Variants in SEPSECS observed in about 807,000 individuals in gnomAD.
The protein encoded by SEPSECS is Sep (O-phosphoserine) tRNA:Sec (selenocysteine) tRNA synthase.
A neutral mutation model predicts 52.1 loss-of-function variants in SEPSECS; 42 were observed. The ratio of observed to expected loss-of-function variants is 0.81; its 90% CI spans 0.63 to 1.04. The LOEUF is 1.04. Ranked by LOEUF, SEPSECS falls within the 50% of genes least tolerant of loss-of-function variation. The pLI, the probability that SEPSECS is intolerant of heterozygous loss-of-function variation, is 0.00. For synonymous variants in SEPSECS, 216 were observed against 211.4 expected (o/e 1.02, Z -0.19); for missense variants, 590 against 610.6 (o/e 0.97, Z 0.36).
intron 8 of SEPSECS, 45 bp from the exon 9 acceptor site, chr4:25,127,402 T>C: frequency 7.1e-7 from 1 of 1,407,054 alleles, no homozygotes. Flanking sequence ...AAATATCTAC[T>C]GCCAGATTTA....
Position 25,125,700 on chromosome 4 carries a change from C to G in SEPSECS, c.1205G>C (p.Gly402Ala), listed in dbSNP as rs746155941. ...CTATCTTAAACATACTTACCTGGCT[C>G]CAGAAACCTGTCTGGTAAAAAGCAT... Reference protein sequence around the residue: ...GSMLFTRQVSGARVVPLGSMQ... With the variant: ...GSMLFTRQVSAARVVPLGSMQ... The change falls in exon 10 of 11, where the codon GGA becomes GCA. Residue 402 changes from glycine to alanine, a missense_variant. Physicochemically the swap from Gly to Ala is moderately conservative, Grantham distance 60. Transcript: ENST00000382103. 1 of 1,609,058 alleles carries G rather than the reference C, an allele frequency of 6.2e-7. No homozygotes were observed. The highest frequency in any genetic ancestry group is 1.3e-5 in the African/African-American group (1 of 74,810).
chr4:25,142,364 T>G (rs1711623268), intron 8 of SEPSECS, among the ~76,000 whole-genome samples: 1 of 152,096 alleles, frequency 6.6e-6, no homozygotes, highest in Non-Finnish European at 1.5e-5. Context: ...CATCCCAAAT[T>G]CTCCTTATTC....
At chr4:25,156,662 C>T (rs762802810) in intron 3 of SEPSECS, among the ~76,000 whole-genome samples, 194 bp downstream of exon 3, 89 of 132,870 alleles carry the variant, frequency 6.7e-4, no homozygotes, top group Non-Finnish European at 1.2e-3. Context: ...GAGCCGAGAT[C>T]GCGCCACTGC....
At position 25,145,148 on chromosome 4, in the gene SEPSECS, A is replaced by G. The variant is rs1416874635; in HGVS notation, c.805-15T>C. 1 of 1,612,880 alleles carries G rather than the reference A, an allele frequency of 6.2e-7. No homozygotes were observed. Among genetic ancestry groups the G allele is most frequent in the East Asian group, 2.2e-5 (1 of 44,794 alleles). On this transcript the variant is annotated splice_polypyrimidine_tract_variant and intron_variant, in intron 6 of 10. Coordinates refer to ENST00000382103, the MANE Select transcript of SEPSECS (RefSeq NM_016955.4). ...ACTCGAGCCCCCTGGAATCAATATG[A>G]TATTACATATTAGTTGCTAGGAAAA... is the stretch of plus-strand genomic sequence containing the variant.
At chr4:25,144,016 C>T (rs1326847924) in intron 8 of SEPSECS, among the ~76,000 whole-genome samples, 1 of 151,962 alleles carries the variant, frequency 6.6e-6, no homozygotes, top group African/African-American at 2.4e-5. Flanking sequence ...TTTTCATAAC[C>T]AATATAACCA....
chr4:25,145,122 A>G lies in SEPSECS; in HGVS notation c.816T>C (p.Val272=). The G allele has an allele frequency of 4.3e-6, 7 of 1,613,932 alleles. No homozygotes were observed. Among genetic ancestry groups the G allele is most frequent in the Non-Finnish European group, 5.1e-6 (6 of 1,179,912 alleles). Residue 272 remains valine, a synonymous_variant, in exon 7 of 11, where the codon GTT becomes GTC. Transcript: ENST00000382103. The stretch of plus-strand genomic sequence containing the variant: ...TCTGAACAAAAGCATCTATTCTACC[A>G]ACTCGAGCCCCCTGGAATCAATATG... ...CMHLIQQGAR[V]GRIDAFVQSL...
intron 8 of SEPSECS, 38 bp from the exon 9 acceptor site, chr4:25,127,395 T>C: frequency 7.0e-7 from 1 of 1,434,030 alleles, no homozygotes. Flanking sequence ...ACAAATCAAA[T>C]ATCTACTGCC....
At chr4:25,146,321 G>A (rs961736538) in intron 6 of SEPSECS, among the ~76,000 whole-genome samples, 1 of 152,192 alleles carries the variant, frequency 6.6e-6, no homozygotes, top group Admixed American at 6.5e-5. Flanking sequence ...AGCCGAAGCA[G>A]GGAAGAGGAG....
chr4:25,145,124 C>T lies in SEPSECS; in HGVS notation c.814G>A (p.Val272Ile). The T allele has an allele frequency of 6.2e-7, 1 of 1,613,894 alleles. No individual in the cohort carries two copies. Among genetic ancestry groups the T allele is most frequent in the African/African-American group, 1.3e-5 (1 of 75,028 alleles). Reference protein sequence around the residue: ...CMHLIQQGARVGRIDAFVQSL... With the variant: ...CMHLIQQGARIGRIDAFVQSL... ...TGAACAAAAGCATCTATTCTACCAA[C>T]TCGAGCCCCCTGGAATCAATATGAT... is the stretch of plus-strand genomic sequence containing the variant. The change falls in exon 7 of 11, where the codon GTT becomes ATT. Residue 272 changes from valine (V) to isoleucine (I), a missense_variant. Transcript: ENST00000382103.
At position 25,160,299 on chromosome 4, in the gene SEPSECS, G is replaced by A. The variant is rs1481785686; in HGVS notation, c.71C>T (p.Ala24Val). The change falls in exon 1 of 11, where the codon GCC becomes GTC. Residue 24 changes from alanine (A) to valine (V), a missense_variant. Transcript: ENST00000382103. ...TATGAGGTGCTCATGCGAGCGGCGG[G>A]CCTCACAGCCCTGCCGCACGTAAGC... is the stretch of plus-strand genomic sequence containing the variant. ...SPAYVRQGCE[A>V]RRSHEHLIRL... is the part of the protein sequence containing the mutation. 3 of 1,551,178 alleles carry A rather than the reference G, an allele frequency of 1.9e-6. No individual in the cohort carries two copies. In the South Asian group the frequency reaches 3.6e-5, roughly 18 times the overall value.
chr4:25,142,288 G>C (rs1421491633), intron 8 of SEPSECS, among the ~76,000 whole-genome samples: 1 of 151,122 alleles, frequency 6.6e-6, no homozygotes, highest in Non-Finnish European at 1.5e-5. Flanking sequence ...AAAAAAAAAA[G>C]TCACCATCTC....
At position 25,127,291 on chromosome 4, in the gene SEPSECS, G is replaced by A. The variant is rs1449561347; in HGVS notation, c.1093C>T (p.His365Tyr). Residue 365 changes from histidine (H) to tyrosine (Y), a missense_variant, in exon 9 of 11, where the codon CAT (histidine) becomes TAT (tyrosine). By Grantham distance (83) the His-to-Tyr change is moderately conservative. Coordinates refer to ENST00000382103, the MANE Select transcript of SEPSECS (RefSeq NM_016955.4). Reference sequence around the variant, plus strand: ...AAAGATATGGGATTGTGAGGTGTATGCAACAGTCTTTCATTGTAGGCTTCT... The same window carrying A: ...AAAGATATGGGATTGTGAGGTGTATACAACAGTCTTTCATTGTAGGCTTCT... ...LSEAYNERLL[H>Y]TPHNPISLAM... The A allele has an allele frequency of 1.2e-6, 2 of 1,612,312 alleles. No individual in the cohort carries two copies. Among genetic ancestry groups the A allele is most frequent in the Non-Finnish European group, 1.7e-6 (2 of 1,178,794 alleles).
intron 5 of SEPSECS, 115 bp downstream of exon 5, chr4:25,154,883 G>C: frequency 9.1e-7 from 1 of 1,104,764 alleles, no homozygotes; most frequent in Admixed American, 1.9e-5. Flanking sequence ...TATTCTCTTA[G>C]AACAGACCAT....
intron 6 of SEPSECS, among the ~76,000 whole-genome samples, chr4:25,148,462 C>T (rs1271608479): frequency 6.7e-6 from 1 of 149,262 alleles, no homozygotes; most frequent in Non-Finnish European, 1.5e-5. Context: ...TTAAGGCTAA[C>T]TTTAATTTTT....
rs551805671 is a variant in SEPSECS, at chr4:25,156,433, G to A, written c.389-238C>T. On this transcript the variant is annotated intron_variant, in intron 3 of 10. Coordinates refer to ENST00000382103, the MANE Select transcript of SEPSECS (RefSeq NM_016955.4). Reference sequence around the variant, plus strand: ...AAAAAAAGTCTTTTCGGCCGGGCGCGGTGGCTCATGCCTGTAATCCCAGCA... The same window carrying A: ...AAAAAAAGTCTTTTCGGCCGGGCGCAGTGGCTCATGCCTGTAATCCCAGCA... Among the ~76,000 whole-genome samples the A allele has an allele frequency of 9.2e-5, 14 of 151,790 alleles. No individual in the cohort carries two copies. In the South Asian group the frequency reaches 2.5e-3, roughly 27 times the overall value.
intron 8 of SEPSECS, among the ~76,000 whole-genome samples, chr4:25,142,928 T>C (rs1711683892): frequency 6.6e-6 from 1 of 152,156 alleles, no homozygotes; most frequent in Admixed American, 6.5e-5. Context: ...CTTTCACAAA[T>C]GGGGAAATAA....
chr4:25,137,916 G>A (rs10032659), intron 8 of SEPSECS, among the ~76,000 whole-genome samples: 11,806 of 152,076 alleles, frequency 0.078, 592 homozygotes, highest in African/African-American at 0.14. Context: ...TCCTTTGCAC[G>A]GACATGGATG....
chr4:25,127,399 T>C, intron 8 of SEPSECS, 42 bp from the exon 9 acceptor site: 1 of 1,411,308 alleles, frequency 7.1e-7, no homozygotes, highest in Non-Finnish European at 1.0e-6. Flanking sequence ...ATCAAATATC[T>C]ACTGCCAGAT....
intron 5 of SEPSECS, among the ~76,000 whole-genome samples, chr4:25,152,558 C>T (rs930340794): frequency 2.0e-5 from 3 of 151,902 alleles, no homozygotes; most frequent in Non-Finnish European, 4.4e-5. Context: ...AAATACAGAA[C>T]ATTAAAATGT....
Sources: allele counts gnomAD v4.1 joint callset (sites outside exome capture counted in the v4.1 genomes callset), GRCh38; gene constraint gnomAD v4.1.1; transcripts MANE v1.5; gene names NCBI Gene and HGNC (gene_info 2026-07-23, HGNC 2026-07-21).